PTDSS2: variants seen among roughly 807,000 people sequenced by gnomAD.
PTDSS2 encodes the protein PSS-2.
PTDSS2 carries 41 observed loss-of-function variants against 64.7 expected under a neutral mutation model. The ratio of observed to expected loss-of-function variants is 0.63; its 90% CI spans 0.49 to 0.82. The LOEUF (loss-of-function observed/expected upper bound fraction) is 0.82, where lower values mean the gene tolerates loss of function less well. PTDSS2 is among the 40% of genes least tolerant of loss of function. The probability of loss-of-function intolerance (pLI) is 0.00; values close to 1 mark genes in which losing one functional copy is unlikely to be tolerated. For missense variants in PTDSS2, 485 were observed against 650.0 expected, an observed-to-expected ratio of 0.75 and a Z score of 2.76; for synonymous variants, 297 against 277.8, an observed-to-expected ratio of 1.07 and a Z score of -0.69.
At chr11:464,638 C>T (rs1488055798) in intron 2 of PTDSS2, among the ~76,000 whole-genome samples, 1 of 152,240 alleles carries the variant, frequency 6.6e-6, no homozygotes, top group Non-Finnish European at 1.5e-5. Context: ...CTTGCTGTGC[C>T]TGCCGGTGGG....
In PTDSS2 at chr11:479,723, C is replaced by T. The variant is rs58037074; in HGVS notation, c.435+571C>T. Among the ~76,000 whole-genome samples the T allele has an allele frequency of 0.026, 3,818 of 144,496 alleles. 156 individuals are homozygous for T. The highest frequency in any genetic ancestry group is 0.095 in the African/African-American group (3,612 of 37,964). 94.8% of individuals were successfully genotyped at this position (144,496 alleles called of 152,430 possible). ...GCTTCTTCCCCATCCTGACCACATT[C>T]TGCAAGACGAGCAGGGTGCAGGTGG... On this transcript the variant is annotated intron_variant, in intron 4 of 11. Coordinates refer to ENST00000308020, the MANE Select transcript of PTDSS2 (RefSeq NM_030783.3). This position sits in a 1 kb window ranked among gnomAD's most constrained non-coding sequence, Gnocchi z 4.2.
In PTDSS2 at chr11:461,708, G is replaced by T. The variant is rs1004089341; in HGVS notation, c.284+1420G>T. 2.6e-5 allele frequency among the ~76,000 whole-genome samples: 4 copies of T among 152,122 alleles called. No individual in the cohort carries two copies. Among genetic ancestry groups the T allele is most frequent in the South Asian group, 2.1e-4 (1 of 4,814 alleles). The stretch of plus-strand genomic sequence containing the variant: ...CTGGCCAGTGCCTCCCGTGCTCCAG[G>T]CCCAGCTCGCTCCTTCTCCCTTTCT... On this transcript the variant is annotated intron_variant, in intron 2 of 11. Transcript: ENST00000308020. The surrounding 1 kb of genome is among the most constrained non-coding windows in gnomAD (Gnocchi z 4.2).
chr11:449,389 G>T (rs1846223281), upstream of PTDSS2, among the ~76,000 whole-genome samples: 1 of 152,324 alleles, frequency 6.6e-6, no homozygotes, highest in South Asian at 2.1e-4. Flanking sequence ...ATGTTTTCAA[G>T]GTCCAGCTGT....
rs575522722 is a variant in PTDSS2 at position 479,378 on chromosome 11, G to C, written c.435+226G>C. On this transcript the variant is annotated intron_variant, in intron 4 of 11. Coordinates refer to ENST00000308020, the MANE Select transcript of PTDSS2 (RefSeq NM_030783.3). The surrounding 1 kb of genome is among the most constrained non-coding windows in gnomAD (Gnocchi z 4.2). ...ACCTTCAAAACGTAGGCCGAGCTGC[G>C]GGGGGCCTCCAGGAGCATCTGCTGG... The C allele has an allele frequency of 5.0e-6, 3 of 597,698 alleles. No homozygotes were observed. Among genetic ancestry groups the C allele is most frequent in the African/African-American group, 3.8e-5 (2 of 52,782 alleles). 37.0% of individuals were successfully genotyped at this position (597,698 alleles called of 1,614,324 possible).
intron 10 of PTDSS2, 50 bp from the exon 11 acceptor site, chr11:489,833 T>C: frequency 6.5e-7 from 1 of 1,544,594 alleles, no homozygotes; most frequent in Non-Finnish European, 8.7e-7. Context: ...CAAGTCCGCC[T>C]GGAGGACCCT....
intron 1 of PTDSS2, among the ~76,000 whole-genome samples, chr11:452,652 G>A (rs763788281): frequency 1.3e-5 from 2 of 152,064 alleles, no homozygotes; most frequent in East Asian, 1.9e-4. Flanking sequence ...CTTTCCCCTC[G>A]ACCCTGTCCC....
At chr11:489,338 G>T (rs991736685) in intron 8 of PTDSS2, 62 bp from the exon 9 acceptor site, 18 of 1,407,944 alleles carry the variant, frequency 1.3e-5, no homozygotes, top group Admixed American at 1.7e-5. Flanking sequence ...TCTGTTGCCC[G>T]ATGGCACAGG....
At chr11:450,158 C>A (rs575611671), upstream of PTDSS2, 2 of 300,656 alleles carry the variant, frequency 6.7e-6, no homozygotes, top group South Asian at 3.2e-4. Flanking sequence ...CGACCTCAGC[C>A]GCAGGGCGGT....
Position 490,015 on chromosome 11 carries a change from G to A in PTDSS2, c.1248G>A (p.Trp416Ter), listed in dbSNP as rs765751916. 6.2e-7 allele frequency: 1 copy of A among 1,611,770 alleles called. No homozygotes were observed. Among genetic ancestry groups the A allele is most frequent in the Admixed American group, 1.7e-5 (1 of 60,022 alleles). ...TGCCCTTCTACATCTCCCAGTGCTG[G>A]ACCCTCGGCTCCGTCCTGGCGCTCA... is the stretch of plus-strand genomic sequence containing the variant. The part of the protein sequence containing the change: ...LSLPFYISQC[W>*]TLGSVLALTW... The change falls in exon 11 of 12, where the codon TGG (tryptophan) becomes TGA (stop). Residue 416 changes from tryptophan (W) to a stop codon, truncating the protein, a stop_gained. Transcript: ENST00000308020. LOFTEE classifies it high-confidence loss of function.
chr11:456,593 A>G (rs926016952), intron 1 of PTDSS2, among the ~76,000 whole-genome samples: 2 of 152,010 alleles, frequency 1.3e-5, no homozygotes, highest in African/African-American at 2.4e-5. Flanking sequence ...GCCAGGGACA[A>G]GGGGACTCCT....
At chr11:487,384 G>T (rs1189262212) in intron 5 of PTDSS2, 36 bp from the exon 6 acceptor site, 8 of 1,603,404 alleles carry the variant, frequency 5.0e-6, no homozygotes, top group Non-Finnish European at 6.8e-6. Flanking sequence ...GGGTGGCTGT[G>T]CCCCAGGGTC....
At position 451,313 on chromosome 11, in the gene PTDSS2, G is replaced by GC. The variant is rs1305499571; in HGVS notation, c.182+681dup. ...TTTAATGGGGGTGGAAAAGGAAGAG[G>GC]CCCCCGGGAGCAGCTGGAGTGTGGC... is the stretch of plus-strand genomic sequence containing the variant. On this transcript the variant is annotated intron_variant, in intron 1 of 11. Coordinates refer to ENST00000308020, the MANE Select transcript of PTDSS2 (RefSeq NM_030783.3). The GC allele has an allele frequency of 2.6e-5, 11 of 419,610 alleles. No homozygotes were observed. In the East Asian group the frequency reaches 7.9e-4, roughly 30 times the overall value. 26.0% of individuals were successfully genotyped at this position (419,610 alleles called of 1,614,324 possible).
chr11:484,012 C>A (rs1049270616), intron 4 of PTDSS2, among the ~76,000 whole-genome samples: 2 of 152,176 alleles, frequency 1.3e-5, no homozygotes, highest in African/African-American at 2.4e-5. Flanking sequence ...TTCGTTGCCC[C>A]CCTTGGTGTG....
At chr11:487,510 T>TGAA in intron 6 of PTDSS2, 40 bp downstream of exon 6, 1 of 1,588,694 alleles carries the variant, frequency 6.3e-7, no homozygotes, top group South Asian at 1.1e-5. Flanking sequence ...GCCCCGGTTC[T>TGAA]GAGGCCTGCC....
intron 11 of PTDSS2, 148 bp downstream of exon 11, chr11:490,216 C>T (rs2133847349): frequency 8.6e-7 from 1 of 1,162,098 alleles, no homozygotes; most frequent in East Asian, 2.5e-5. Context: ...CTTTCCTGAC[C>T]CAGCCCTCGG....
At chr11:475,543 C>T (rs990468875) in intron 3 of PTDSS2, among the ~76,000 whole-genome samples, 2 of 152,088 alleles carry the variant, frequency 1.3e-5, no homozygotes. Flanking sequence ...CGGACATTCA[C>T]GCGTTTGTGT....
chr11:454,811 T>C (rs1416908814), intron 1 of PTDSS2, among the ~76,000 whole-genome samples: 1 of 152,082 alleles, frequency 6.6e-6, no homozygotes, highest in Non-Finnish European at 1.5e-5. Context: ...AGAAGTCAAG[T>C]TTCAATTTTA....
At position 479,170 on chromosome 11, in the gene PTDSS2, G is replaced by A. The variant is rs768352835; in HGVS notation, c.435+18G>A. On this transcript the variant is annotated intron_variant, in intron 4 of 11. Transcript: ENST00000308020. The surrounding 1 kb of genome is among the most constrained non-coding windows in gnomAD (Gnocchi z 4.2). ...TCTTCCAGGTAAGCTGTTTTTCTGG[G>A]TTGGATACCTGGGAACTTAGGTGAC... The A allele has an allele frequency of 6.2e-7, 1 of 1,606,574 alleles. No homozygotes were observed. The highest frequency in any genetic ancestry group is 1.1e-5 in the South Asian group (1 of 90,924).
intron 4 of PTDSS2, among the ~76,000 whole-genome samples, chr11:484,925 TG>T (rs1848246469): frequency 1.5e-5 from 2 of 135,094 alleles, no homozygotes; most frequent in African/African-American, 2.8e-5. Context: ...CGCAGGCGAG[TG>T]TAAACTGCAC....
Sources: gnomAD v4.1 joint callset for allele counts (sites outside exome capture counted in the v4.1 genomes callset) on GRCh38, gnomAD v4.1.1 for gene constraint, Gnocchi (gnomAD v3.1) non-coding constraint, MANE v1.5 for transcripts, NCBI Gene and HGNC (gene_info 2026-07-23, HGNC 2026-07-21) for gene names.